Variants in KAT6A observed in about 807,000 individuals in gnomAD.
The protein encoded by KAT6A is lysine acetyltransferase 6A, also known as histone acetyltransferase KAT6A.
Under a neutral mutation model 198.4 loss-of-function variants are expected in KAT6A, and 9 were observed. That is an observed-to-expected ratio of 0.05 (90% CI 0.03 to 0.08). KAT6A has a LOEUF of 0.08. Ranked by LOEUF, KAT6A falls within the 10% of genes least tolerant of loss-of-function variation. The probability of loss-of-function intolerance (pLI) is 1.00; values close to 1 mark genes in which losing one functional copy is unlikely to be tolerated. For missense variants in KAT6A, 2,077 were observed against 2,509.9 expected (o/e 0.83, Z 3.69); for synonymous variants, 890 against 883.0 (o/e 1.01, Z -0.14).
chr8:42,042,587 G>A (rs1397122147), intron 2 of KAT6A, among the ~76,000 whole-genome samples: 7 of 152,038 alleles, frequency 4.6e-5, no homozygotes, highest in Non-Finnish European at 1.0e-4. Context: ...ACTAAGAGTT[G>A]ACCAAATTGA....
intron 2 of KAT6A, among the ~76,000 whole-genome samples, chr8:42,017,544 TG>T (rs1826334126): frequency 6.6e-6 from 1 of 152,114 alleles, no homozygotes; most frequent in Admixed American, 6.6e-5. Context: ...TGTTTTTGTT[TG>T]TTGGGGTGGG....
At chr8:41,935,015 C>A (rs1001904612) in intron 16 of KAT6A, 148 bp from the exon 17 acceptor site, 23 of 694,408 alleles carry the variant, frequency 3.3e-5, no homozygotes, top group Non-Finnish European at 5.0e-5. Context: ...AAGTTAAGAA[C>A]CTAGAGGATA....
In KAT6A at chr8:41,933,773, T is replaced by C. The variant is rs759325102; in HGVS notation, c.4447A>G (p.Ile1483Val). The C allele has an allele frequency of 3.7e-6, 6 of 1,614,004 alleles. No homozygotes were observed. In the South Asian group the frequency reaches 4.4e-5, roughly 12 times the overall value. The change falls in exon 17 of 17, where the codon ATC (isoleucine) becomes GTC (valine). Residue 1483 changes from isoleucine to valine, a missense_variant. By Grantham distance (29) the Ile-to-Val change is conservative (BLOSUM62 3). Coordinates refer to ENST00000265713, the MANE Select transcript of KAT6A (RefSeq NM_006766.5). The surrounding 1 kb of genome is among the most constrained non-coding windows in gnomAD (Gnocchi z 6.2). Reference sequence around the variant, plus strand: ...CTGGGGTGAGACTGAACGGAGGAGATAGGGCTATTATGTTCTGACGCATGA... The same window carrying C: ...CTGGGGTGAGACTGAACGGAGGAGACAGGGCTATTATGTTCTGACGCATGA... ...DCHASEHNSP[I>V]SSVQSHPSQS... is the part of the protein sequence containing the mutation.
Position 42,007,550 on chromosome 8 carries a change from T to C in KAT6A, c.601-19987A>G, listed in dbSNP as rs559630481. Among the ~76,000 whole-genome samples, 104 of 152,318 alleles carry C rather than the reference T, an allele frequency of 6.8e-4. 4 individuals carry two copies. Among genetic ancestry groups the C allele is most frequent in the South Asian group, 3.9e-3 (19 of 4,832 alleles). On this transcript the variant is annotated intron_variant, in intron 2 of 16. Transcript: ENST00000265713. The stretch of plus-strand genomic sequence containing the variant: ...TAAGAAATGTGTGGACTGAGTTCTA[T>C]AAGGCACTAAACTGAGCTTTTAAGG...
At chr8:42,019,617 C>A (rs1303394635) in intron 2 of KAT6A, among the ~76,000 whole-genome samples, 1 of 152,106 alleles carries the variant, frequency 6.6e-6, no homozygotes, top group Non-Finnish European at 1.5e-5. Flanking sequence ...AGTGATGAAA[C>A]CAAAAGGTAA....
At chr8:42,030,472 C>A (rs1163892140) in intron 2 of KAT6A, among the ~76,000 whole-genome samples, 1 of 152,130 alleles carries the variant, frequency 6.6e-6, no homozygotes, top group Non-Finnish European at 1.5e-5. Flanking sequence ...TTTTGGTCCA[C>A]CTTTGTGGAG....
chr8:41,932,788 G>A lies in KAT6A; in HGVS notation c.5432C>T (p.Thr1811Met), dbSNP rs202113307. ...AGTPQAQATM[T>M]PPPNLASTTM... ...AGTGGATGCCAAGTTTGGGGGTGGC[G>A]TCATGGTGGCTTGTGCTTGAGGAGT... The change falls in exon 17 of 17, where the codon ACG (threonine) becomes ATG (methionine). Residue 1811 changes from threonine (T) to methionine (M), a missense_variant. By Grantham distance (81) the Thr-to-Met change is moderately conservative. Around this residue, in one of 13 missense-constraint regions of KAT6A, gnomAD observed 500 missense variants for 577.2 expected, o/e 0.87. Transcript: ENST00000265713. The A allele has an allele frequency of 5.6e-6, 9 of 1,614,204 alleles. No homozygotes were observed. The highest frequency in any genetic ancestry group is 4.0e-5 in the African/African-American group (3 of 75,066).
At chr8:42,022,608 A>T (rs1826603152) in intron 2 of KAT6A, among the ~76,000 whole-genome samples, 1 of 152,180 alleles carries the variant, frequency 6.6e-6, no homozygotes. Flanking sequence ...GGGTATAGGG[A>T]AGCAGTTACT....
chr8:41,996,520 C>T (rs887854967), intron 2 of KAT6A, among the ~76,000 whole-genome samples: 2 of 152,198 alleles, frequency 1.3e-5, no homozygotes, highest in African/African-American at 4.8e-5. Context: ...TCAATGTCCC[C>T]TCCAAGTCTG....
Position 41,930,002 on chromosome 8 carries a change from A to G in KAT6A, c.*2203T>C, listed in dbSNP as rs1216726361. The G allele has an allele frequency of 3.1e-5, 7 of 222,466 alleles. No individual in the cohort carries two copies. Among genetic ancestry groups the G allele is most frequent in the Non-Finnish European group, 6.3e-5 (7 of 111,322 alleles). 13.8% of individuals were successfully genotyped at this position (222,466 alleles called of 1,614,324 possible). ...TTTTTTAAACAGAAGTGAAAAAATG[A>G]CAGGTACCAATATTACTGTGTTGGA... On this transcript the variant is annotated 3_prime_UTR_variant, in exon 17 of 17. Coordinates refer to ENST00000265713, the MANE Select transcript of KAT6A (RefSeq NM_006766.5).
chr8:42,008,469 C>T (rs1374945552), intron 2 of KAT6A, among the ~76,000 whole-genome samples: 2 of 152,114 alleles, frequency 1.3e-5, no homozygotes, highest in African/African-American at 4.8e-5. Flanking sequence ...TCCCAAGTAG[C>T]TGGGATTACA....
At chr8:42,051,309 C>A (rs1330336355) in intron 1 of KAT6A, among the ~76,000 whole-genome samples, 3 of 151,790 alleles carry the variant, frequency 2.0e-5, no homozygotes, top group Non-Finnish European at 4.4e-5. Flanking sequence ...TGCTGCGCCT[C>A]GCACCACAAC....
chr8:41,979,926 T>C (rs879320866), intron 5 of KAT6A, among the ~76,000 whole-genome samples: 25 of 151,882 alleles, frequency 1.6e-4, no homozygotes, highest in Non-Finnish European at 2.9e-4. Context: ...TTGAACCTGA[T>C]AGGTGGAGGC....
chr8:41,998,677 G>C (rs1481058154), intron 2 of KAT6A, among the ~76,000 whole-genome samples: 1 of 151,954 alleles, frequency 6.6e-6, no homozygotes, highest in Admixed American at 6.6e-5. Flanking sequence ...TACTTACTCA[G>C]AGCCTTTCCT....
At chr8:41,999,735 C>T (rs1825393723) in intron 2 of KAT6A, among the ~76,000 whole-genome samples, 2 of 152,222 alleles carry the variant, frequency 1.3e-5, no homozygotes, top group African/African-American at 2.4e-5. Context: ...TTTACCCCTT[C>T]TCTCAAAGTC....
intron 8 of KAT6A, among the ~76,000 whole-genome samples, chr8:41,962,325 A>G (rs1216847962): frequency 6.6e-6 from 1 of 152,122 alleles, no homozygotes; most frequent in Non-Finnish European, 1.5e-5. Flanking sequence ...CCCCTCTCAC[A>G]TCAGGTTTAA....
intron 8 of KAT6A, among the ~76,000 whole-genome samples, chr8:41,956,850 G>C (rs893606741): frequency 1.3e-5 from 2 of 152,176 alleles, no homozygotes; most frequent in Admixed American, 6.5e-5. Flanking sequence ...TTTGTAAAAA[G>C]ATTTTTTAAA....
At chr8:41,993,502 C>A (rs533371613) in intron 2 of KAT6A, among the ~76,000 whole-genome samples, 35 of 152,298 alleles carry the variant, frequency 2.3e-4, no homozygotes, top group African/African-American at 7.5e-4. Context: ...GATGCATATT[C>A]TTTGGCCAAG....
chr8:41,993,822 AG>A (rs1825060107), intron 2 of KAT6A, among the ~76,000 whole-genome samples: 1 of 152,238 alleles, frequency 6.6e-6, no homozygotes, highest in Non-Finnish European at 1.5e-5. Flanking sequence ...TATTGTTAAA[AG>A]CATTTAAAAA....
Sources: allele counts gnomAD v4.1 joint callset (sites outside exome capture counted in the v4.1 genomes callset), GRCh38; gene constraint gnomAD v4.1.1; regional missense constraint gnomAD v4.1.1; non-coding constraint Gnocchi (gnomAD v3.1); transcripts MANE v1.5; gene names NCBI Gene and HGNC (gene_info 2026-07-23, HGNC 2026-07-21).